CACNA1C: variants seen among roughly 807,000 people sequenced by gnomAD.
CACNA1C encodes voltage-dependent L-type calcium channel subunit alpha-1C.
CACNA1C carries 30 observed loss-of-function variants against 229.0 expected under a neutral mutation model. That is an observed-to-expected ratio of 0.13 (90% CI 0.10 to 0.18). CACNA1C has a LOEUF of 0.18. CACNA1C is among the 10% of genes least tolerant of loss of function. CACNA1C has a pLI of 1.00. For missense variants in CACNA1C, 1,658 were observed against 2,845.0 expected (o/e 0.58, Z 9.49); for synonymous variants, 1,114 against 1,132.5 (o/e 0.98, Z 0.33).
intron 44 of CACNA1C, 44 bp from the exon 45 acceptor site, chr12:2,686,122 C>T (rs761366988): frequency 6.8e-7 from 1 of 1,475,126 alleles, no homozygotes; most frequent in East Asian, 2.3e-5. Context: ...AGGCCAGTGC[C>T]CTGTTTTCCT....
In CACNA1C at chr12:2,587,038, G is replaced by C. The variant is rs150087932; in HGVS notation, c.2530+1134G>C. Among the ~76,000 whole-genome samples, 6 of 152,288 alleles carry C rather than the reference G, an allele frequency of 3.9e-5. No homozygotes were observed. In the East Asian group the frequency reaches 1.2e-3, roughly 29 times the overall value. The stretch of plus-strand genomic sequence containing the variant: ...AGCAACAAATACACTTTAAAATGAC[G>C]TTTTAGAGGGAAATGGGGGAAATTG... On this transcript the variant is annotated intron_variant, in intron 18 of 46. Transcript: ENST00000399655.
At chr12:2,234,525 G>A (rs1253770521) in intron 3 of CACNA1C, among the ~76,000 whole-genome samples, 2 of 152,204 alleles carry the variant, frequency 1.3e-5, no homozygotes, top group Non-Finnish European at 2.9e-5. Flanking sequence ...ATGGGCTCCT[G>A]TATGCAGGCT....
chr12:2,035,050 G>A (rs1287675219), intron 1 of CACNA1C, among the ~76,000 whole-genome samples: 1 of 152,200 alleles, frequency 6.6e-6, no homozygotes, highest in Non-Finnish European at 1.5e-5. Flanking sequence ...CGACAGCCCC[G>A]TCGTCCACCT....
At chr12:2,128,450 G>A (rs149133218) in intron 3 of CACNA1C, among the ~76,000 whole-genome samples, 2,275 of 151,928 alleles carry the variant, frequency 0.015, 29 homozygotes, top group African/African-American at 0.031. Context: ...TCTCTCTGTC[G>A]CCCAGGCTGG....
chr12:2,409,529 T>G (rs1595518247), intron 3 of CACNA1C, among the ~76,000 whole-genome samples: 1 of 152,230 alleles, frequency 6.6e-6, no homozygotes, highest in East Asian at 1.9e-4. Flanking sequence ...TCACTACAGG[T>G]AGAATCTTCA....
intron 1 of CACNA1C, among the ~76,000 whole-genome samples, chr12:2,100,721 G>A (rs997273630): frequency 7.9e-5 from 12 of 151,544 alleles, no homozygotes; most frequent in Admixed American, 2.0e-4. Context: ...TCACGGCACT[G>A]CATTCCAGCC....
intron 3 of CACNA1C, among the ~76,000 whole-genome samples, chr12:2,256,533 G>T (rs1312702402): frequency 6.6e-6 from 1 of 152,076 alleles, no homozygotes; most frequent in East Asian, 1.9e-4. Flanking sequence ...TATAATCCTG[G>T]CCCCTGATGA....
At position 2,493,792 on chromosome 12, in the gene CACNA1C, G is replaced by C. The variant is rs1246135853; in HGVS notation, c.1113+406G>C. Among the ~76,000 whole-genome samples the C allele has an allele frequency of 6.6e-6, 1 of 152,082 alleles. No homozygotes were observed. The highest frequency in any genetic ancestry group is 1.5e-5 in the Non-Finnish European group (1 of 68,020). ...AGAAGGCAGAATTATGTATTCTTAG[G>C]GCAGAAGAGAAGAAGTCCTGATCTT... is the stretch of plus-strand genomic sequence containing the variant. On this transcript the variant is annotated intron_variant, in intron 7 of 46. Coordinates refer to ENST00000399655, the MANE Select transcript of CACNA1C (RefSeq NM_000719.7). This position sits in a 1 kb window ranked among gnomAD's most constrained non-coding sequence, Gnocchi z 4.6.
At chr12:2,350,133 AT>A (rs1252157015) in intron 3 of CACNA1C, among the ~76,000 whole-genome samples, 5 of 152,146 alleles carry the variant, frequency 3.3e-5, no homozygotes, top group Admixed American at 6.5e-5. Context: ...CCTATAAGGA[AT>A]TCCTTCTTGC....
At chr12:2,495,449 G>A (rs2099744731) in intron 7 of CACNA1C, among the ~76,000 whole-genome samples, 1 of 152,192 alleles carries the variant, frequency 6.6e-6, no homozygotes, top group South Asian at 2.1e-4. Context: ...GGTGGGTGGA[G>A]GGTAGGAATA....
At chr12:2,417,164 T>C (rs920530056) in intron 3 of CACNA1C, among the ~76,000 whole-genome samples, 2 of 152,234 alleles carry the variant, frequency 1.3e-5, no homozygotes, top group African/African-American at 4.8e-5. Context: ...GTCATGCTGA[T>C]GTAGAAGGCC....
intron 3 of CACNA1C, among the ~76,000 whole-genome samples, chr12:2,367,663 T>C (rs932607530): frequency 1.3e-5 from 2 of 152,170 alleles, no homozygotes; most frequent in Non-Finnish European, 1.5e-5. Flanking sequence ...ATAAAGCAGC[T>C]GGTGCTATAA....
intron 3 of CACNA1C, among the ~76,000 whole-genome samples, chr12:2,436,496 T>C (rs1389704335): frequency 1.3e-5 from 2 of 152,224 alleles, no homozygotes; most frequent in African/African-American, 2.4e-5. Flanking sequence ...TTACATGGGC[T>C]ACCCTTGGCT....
chr12:2,535,627 A>G (rs1261775452), intron 9 of CACNA1C, among the ~76,000 whole-genome samples: 1 of 144,864 alleles, frequency 6.9e-6, no homozygotes, highest in African/African-American at 2.6e-5. Context: ...GGTCACTTGA[A>G]CCCGGGAGTT....
rs139348159 is a variant in CACNA1C at position 2,283,764 on chromosome 12, C to T, written c.477+163334C>T. On this transcript the variant is annotated intron_variant, in intron 3 of 46. Transcript: ENST00000399655. ...TCCCAGAGGATGCTGCCGTCTGGTC[C>T]GAATCCTGGGCCCCACTTTCAATAG... Among the ~76,000 whole-genome samples, 41 of 152,270 alleles carry T rather than the reference C, an allele frequency of 2.7e-4. No individual in the cohort carries two copies. The East Asian group carries it at 5.4e-3, about 20-fold the overall frequency.
chr12:2,317,801 AAC>A (rs1292724038), intron 3 of CACNA1C, among the ~76,000 whole-genome samples: 1 of 152,186 alleles, frequency 6.6e-6, no homozygotes, highest in East Asian at 1.9e-4. Flanking sequence ...TGGATGTGGG[AAC>A]ACAGTCTGGG....
chr12:2,325,347 GT>G (rs2096244233), intron 3 of CACNA1C, among the ~76,000 whole-genome samples: 1 of 152,200 alleles, frequency 6.6e-6, no homozygotes, highest in African/African-American at 2.4e-5. Flanking sequence ...TAGTAGATTA[GT>G]TTACTAGGGG....
chr12:1,994,138 C>T (rs148595606), intron 1 of CACNA1C, among the ~76,000 whole-genome samples: 45 of 152,310 alleles, frequency 3.0e-4, no homozygotes, highest in African/African-American at 7.7e-4. Context: ...TGAGTATAAA[C>T]TCTAACAACT....
intron 3 of CACNA1C, among the ~76,000 whole-genome samples, chr12:2,161,307 A>G (rs2095843262): frequency 6.6e-6 from 1 of 152,206 alleles, no homozygotes; most frequent in Non-Finnish European, 1.5e-5. Context: ...GGGGCACTGC[A>G]TGCTACTTAG....
Sources: allele counts gnomAD v4.1 joint callset (sites outside exome capture counted in the v4.1 genomes callset), GRCh38; gene constraint gnomAD v4.1.1; non-coding constraint Gnocchi (gnomAD v3.1); transcripts MANE v1.5; gene names NCBI Gene and HGNC (gene_info 2026-07-23, HGNC 2026-07-21).